Variants in CTNND2 observed in about 807,000 individuals in gnomAD.
CTNND2 encodes catenin delta 2.
Under a neutral mutation model 144.4 loss-of-function variants are expected in CTNND2, and 22 were observed. The ratio of observed to expected loss-of-function variants is 0.15; its 90% CI spans 0.11 to 0.22. CTNND2 has a LOEUF of 0.22. CTNND2 is among the 10% of genes least tolerant of loss of function. CTNND2 has a pLI of 1.00. For missense variants in CTNND2, 1,353 were observed against 1,618.8 expected, an observed-to-expected ratio of 0.84 and a Z score of 2.82; for synonymous variants, 751 against 695.6, an observed-to-expected ratio of 1.08 and a Z score of -1.25.
intron 12 of CTNND2, among the ~76,000 whole-genome samples, chr5:11,123,183 G>A (rs970218354): frequency 6.6e-6 from 1 of 152,162 alleles, no homozygotes; most frequent in Non-Finnish European, 1.5e-5. Context: ...TAGAGCACCT[G>A]TAACACACGA....
chr5:11,240,571 AC>A lies in CTNND2; in HGVS notation c.1629-3749del, dbSNP rs557313204. On this transcript the variant is annotated intron_variant, in intron 9 of 21. Transcript: ENST00000304623. ...CCCAACACACACACTCAAAACACAC[AC>A]CCAACACACACATACTCAGCACACA... Among the ~76,000 whole-genome samples the A allele has an allele frequency of 1.3e-3, 178 of 132,454 alleles. 1 individual carries two copies. The highest frequency in any genetic ancestry group is 4.7e-3 in the African/African-American group (160 of 34,346). 86.9% of individuals were successfully genotyped at this position (132,454 alleles called of 152,430 possible).
chr5:11,270,255 AAC>A (rs201131155), intron 9 of CTNND2, among the ~76,000 whole-genome samples: 7 of 151,782 alleles, frequency 4.6e-5, no homozygotes, highest in Admixed American at 2.0e-4. Flanking sequence ...TCTAACACGT[AAC>A]ACACACACAC....
chr5:11,662,225 G>GTC (rs1783290378), intron 2 of CTNND2, among the ~76,000 whole-genome samples: 1 of 135,526 alleles, frequency 7.4e-6, no homozygotes, highest in African/African-American at 2.9e-5. Context: ...ACATATATGT[G>GTC]TATATATGTA....
intron 3 of CTNND2, among the ~76,000 whole-genome samples, chr5:11,441,643 C>A (rs1764276016): frequency 8.0e-6 from 1 of 124,248 alleles, no homozygotes; most frequent in Non-Finnish European, 1.7e-5. Flanking sequence ...CCCCCCACCC[C>A]ACCCCCTTGG....
intron 2 of CTNND2, among the ~76,000 whole-genome samples, chr5:11,581,579 A>C (rs570294409): frequency 6.6e-6 from 1 of 152,304 alleles, no homozygotes; most frequent in East Asian, 1.9e-4. Flanking sequence ...TTGCACTGTG[A>C]TGTCAACGTT....
At chr5:11,795,600 A>T (rs1791359095) in intron 1 of CTNND2, among the ~76,000 whole-genome samples, 1 of 152,202 alleles carries the variant, frequency 6.6e-6, no homozygotes, top group African/African-American at 2.4e-5. Flanking sequence ...GAAATGAAAG[A>T]ACTGAACTGC....
intron 2 of CTNND2, 147 bp from the exon 3 acceptor site, chr5:11,565,203 G>A (rs1776981254): frequency 4.6e-6 from 3 of 648,628 alleles, no homozygotes; most frequent in Non-Finnish European, 5.6e-6. Flanking sequence ...GGATTCGAAG[G>A]TTAGACAGGC....
Position 11,181,542 on chromosome 5 carries a change from A to G in CTNND2, c.1975+17906T>C, listed in dbSNP as rs571416469. On this transcript the variant is annotated intron_variant, in intron 11 of 21. Transcript: ENST00000304623. ...TTCTGCCAAGCCCAGTGTATAGAACAGATACACAAAGAAGTCGGGGATAGT... is the reference window on the plus strand; with the variant it reads ...TTCTGCCAAGCCCAGTGTATAGAACGGATACACAAAGAAGTCGGGGATAGT... Among the ~76,000 whole-genome samples the G allele has an allele frequency of 5.3e-5, 8 of 152,288 alleles. No individual in the cohort carries two copies. In the South Asian group the frequency reaches 1.7e-3, roughly 32 times the overall value.
chr5:11,762,290 T>C (rs1789309653), intron 1 of CTNND2, among the ~76,000 whole-genome samples: 1 of 152,066 alleles, frequency 6.6e-6, no homozygotes, highest in Non-Finnish European at 1.5e-5. Flanking sequence ...TAATGAGGCA[T>C]AAAGAAATTA....
intron 3 of CTNND2, among the ~76,000 whole-genome samples, chr5:11,416,679 C>T (rs1761960380): frequency 6.6e-6 from 1 of 152,112 alleles, no homozygotes; most frequent in Non-Finnish European, 1.5e-5. Flanking sequence ...TATCAGGTGT[C>T]TAGGAATTAC....
intron 9 of CTNND2, among the ~76,000 whole-genome samples, chr5:11,274,591 T>A (rs992060280): frequency 1.4e-4 from 21 of 151,748 alleles, no homozygotes; most frequent in South Asian, 1.0e-3. Context: ...TTTTTTTTTT[T>A]TTAAAAAGGC....
chr5:11,893,861 A>G (rs1421701947), intron 1 of CTNND2, among the ~76,000 whole-genome samples: 1 of 152,176 alleles, frequency 6.6e-6, no homozygotes, highest in Non-Finnish European at 1.5e-5. Flanking sequence ...GATTTATAAG[A>G]TCATATCTGA....
chr5:11,854,167 T>C (rs961113488), intron 1 of CTNND2, among the ~76,000 whole-genome samples: 5 of 152,220 alleles, frequency 3.3e-5, no homozygotes, highest in African/African-American at 1.2e-4. Flanking sequence ...CTCACTGCTC[T>C]CTGGGCCTGG....
intron 1 of CTNND2, among the ~76,000 whole-genome samples, chr5:11,814,760 C>T (rs1462001469): frequency 2.0e-5 from 3 of 152,136 alleles, no homozygotes; most frequent in Admixed American, 1.3e-4. Context: ...GTGTTCTCTA[C>T]TTGACAAAAT....
At chr5:11,745,158 A>C (rs1788240265) in intron 1 of CTNND2, among the ~76,000 whole-genome samples, 1 of 152,216 alleles carries the variant, frequency 6.6e-6, no homozygotes, top group Non-Finnish European at 1.5e-5. Context: ...CCAAATAAAC[A>C]TTGTATTTAT....
At chr5:11,651,172 C>G (rs1358527830) in intron 2 of CTNND2, among the ~76,000 whole-genome samples, 1 of 152,154 alleles carries the variant, frequency 6.6e-6, no homozygotes, top group Non-Finnish European at 1.5e-5. Flanking sequence ...GACCTCAGGA[C>G]ACTGCTCCCT....
intron 3 of CTNND2, among the ~76,000 whole-genome samples, chr5:11,426,244 C>T (rs1387714662): frequency 6.6e-6 from 1 of 152,134 alleles, no homozygotes; most frequent in East Asian, 1.9e-4. Context: ...TTTATTGATA[C>T]CATCACAGCT....
At chr5:11,258,804 G>C (rs1351520698) in intron 9 of CTNND2, among the ~76,000 whole-genome samples, 2 of 152,062 alleles carry the variant, frequency 1.3e-5, no homozygotes, top group Non-Finnish European at 2.9e-5. Flanking sequence ...TCTTGTCAGA[G>C]GTGCATTTCA....
chr5:11,690,219 T>G (rs985227424), intron 2 of CTNND2, among the ~76,000 whole-genome samples: 1 of 152,170 alleles, frequency 6.6e-6, no homozygotes, highest in Admixed American at 6.5e-5. Flanking sequence ...ATCCACCGAC[T>G]GGTGCAGGAA....
Sources: gnomAD v4.1 joint callset for allele counts (sites outside exome capture counted in the v4.1 genomes callset) on GRCh38, gnomAD v4.1.1 for gene constraint, MANE v1.5 for transcripts, NCBI Gene and HGNC (gene_info 2026-07-23, HGNC 2026-07-21) for gene names.